Variants in BFSP1 observed in about 807,000 individuals in gnomAD.
The protein encoded by BFSP1 is beaded filament structural protein 1, also known as filensin.
BFSP1 carries 38 observed loss-of-function variants against 43.9 expected under a neutral mutation model. That is an observed-to-expected ratio of 0.87 (90% CI 0.67 to 1.14). The LOEUF is 1.14. Ranked by LOEUF, BFSP1 falls within the 50% of genes most tolerant of loss-of-function variation. BFSP1 has a pLI of 0.00. For synonymous variants in BFSP1, 352 were observed against 354.8 expected, an observed-to-expected ratio of 0.99 and a Z score of 0.09; for missense variants, 850 against 875.1, an observed-to-expected ratio of 0.97 and a Z score of 0.36.
At chr20:17,561,414 G>A (rs994010487), upstream of BFSP1, among the ~76,000 whole-genome samples, 4 of 151,948 alleles carry the variant, frequency 2.6e-5, no homozygotes, top group South Asian at 2.1e-4. Flanking sequence ...CAGGAGAATC[G>A]CTTGGACCCG....
chr20:17,532,863 A>T (rs2123542799), upstream of BFSP1, among the ~76,000 whole-genome samples: 1 of 152,286 alleles, frequency 6.6e-6, no homozygotes, highest in East Asian at 1.9e-4. Flanking sequence ...AACTATATGG[A>T]TTGTGTGTGA....
intron 2 of BFSP1, among the ~76,000 whole-genome samples, chr20:17,524,183 T>C (rs2034373153): frequency 6.6e-6 from 1 of 152,170 alleles, no homozygotes; most frequent in South Asian, 2.1e-4. Flanking sequence ...TGTACAACCC[T>C]GGTGGTCCAG....
chr20:17,516,126 C>G (rs1279336731), intron 2 of BFSP1, among the ~76,000 whole-genome samples: 2 of 152,008 alleles, frequency 1.3e-5, no homozygotes, highest in Non-Finnish European at 2.9e-5. Context: ...GTCAGGAGTT[C>G]GAGACCAGCC....
chr20:17,558,593 C>G, intron 1 of BFSP1: 1 of 1,355,662 alleles, frequency 7.4e-7, no homozygotes. Flanking sequence ...GCTTGCTGTA[C>G]CTTCTACGGG....
chr20:17,494,917 A>G lies in BFSP1; in HGVS notation c.1155T>C (p.Ala385=). Residue 385 remains alanine, a synonymous_variant, in exon 8 of 8, where the codon GCT becomes GCC. Coordinates refer to ENST00000377873, the MANE Select transcript of BFSP1 (RefSeq NM_001195.5). ...AACCTTTTAATGGTGCATCTTCCAGAGCTCCGTTGGTTTTGTCTTTTGTTA... is the reference window on the plus strand; with the variant it reads ...AACCTTTTAATGGTGCATCTTCCAGGGCTCCGTTGGTTTTGTCTTTTGTTA... ...EIITKDKTNG[A]LEDAPLKGLE... is the part of the protein sequence containing the mutation. The G allele has an allele frequency of 6.2e-7, 1 of 1,613,996 alleles. No individual in the cohort carries two copies. The highest frequency in any genetic ancestry group is 8.5e-7 in the Non-Finnish European group (1 of 1,179,992).
At chr20:17,524,625 T>G (rs1282026401) in intron 2 of BFSP1, among the ~76,000 whole-genome samples, 1 of 152,208 alleles carries the variant, frequency 6.6e-6, no homozygotes, top group African/African-American at 2.4e-5. Flanking sequence ...ACCAACAAGC[T>G]TCATAGTCTG....
At chr20:17,532,265 C>T (rs1308219426), upstream of BFSP1, among the ~76,000 whole-genome samples, 1 of 152,018 alleles carries the variant, frequency 6.6e-6, no homozygotes, top group Admixed American at 6.6e-5. Flanking sequence ...ATTAGCCAGG[C>T]GTGGTGGCGT....
intron 5 of BFSP1, among the ~76,000 whole-genome samples, chr20:17,506,272 G>A (rs1181753496): frequency 1.3e-5 from 2 of 152,068 alleles, no homozygotes; most frequent in African/African-American, 2.4e-5. Flanking sequence ...GCCCAGGCTG[G>A]CCAACATCTT....
chr20:17,566,945 C>G (rs1010820504), intron 1 of BFSP1, among the ~76,000 whole-genome samples: 8 of 152,128 alleles, frequency 5.3e-5, no homozygotes, highest in African/African-American at 1.9e-4. Flanking sequence ...AGCCACGGTG[C>G]CCGGCCTAGG....
chr20:17,529,493 C>A, intron 1 of BFSP1, among the ~76,000 whole-genome samples: 1 of 151,606 alleles, frequency 6.6e-6, no homozygotes, highest in East Asian at 2.0e-4. Context: ...TAGCCAGTGT[C>A]ATTGGGGCAT....
rs573165750 is a variant in BFSP1, at chr20:17,530,434, A to T, written c.377+519T>A. ...ATAACATCGGTACATCTCAAAACCA[A>T]TGTGCTGAGCAAAAGAAGCCAGACA... On this transcript the variant is annotated intron_variant, in intron 1 of 7. Transcript: ENST00000377873. 9.9e-4 allele frequency among the ~76,000 whole-genome samples: 151 copies of T among 152,360 alleles called. 3 individuals carry two copies. The Middle Eastern group carries it at 0.01, about 10-fold the overall frequency.
chr20:17,517,769 G>A (rs557057014), intron 2 of BFSP1, among the ~76,000 whole-genome samples: 2 of 152,298 alleles, frequency 1.3e-5, no homozygotes, highest in African/African-American at 2.4e-5. Context: ...AAACTGCTGT[G>A]TATTTTACAC....
chr20:17,553,297 G>C (rs1361258096), intron 1 of BFSP1, among the ~76,000 whole-genome samples: 1 of 152,142 alleles, frequency 6.6e-6, no homozygotes, highest in Non-Finnish European at 1.5e-5. Context: ...TCAGGAAAGT[G>C]GTGGGGAAGA....
At chr20:17,532,337 G>A (rs1305842731), upstream of BFSP1, among the ~76,000 whole-genome samples, 32 of 151,400 alleles carry the variant, frequency 2.1e-4, no homozygotes, top group African/African-American at 6.8e-4. Flanking sequence ...CCTGGGAGGC[G>A]GAGGCTGCAG....
chr20:17,538,563 T>C (rs945339813), intron 1 of BFSP1, among the ~76,000 whole-genome samples: 5 of 152,198 alleles, frequency 3.3e-5, no homozygotes, highest in African/African-American at 7.2e-5. Flanking sequence ...CAGGATTTCA[T>C]TGACAACCAC....
chr20:17,558,710 T>G (rs1168232852), exon 1 of BFSP1: 1 of 1,551,834 alleles, frequency 6.4e-7, no homozygotes, highest in African/African-American at 1.4e-5. Flanking sequence ...GCATGGAGGC[T>G]CCTTCTGTGA....
At chr20:17,498,748 G>A (rs766214345) in intron 6 of BFSP1, 72 bp downstream of exon 6, 4 of 1,511,898 alleles carry the variant, frequency 2.6e-6, no homozygotes, top group Non-Finnish European at 3.6e-6. Flanking sequence ...AACTGTGCCT[G>A]GCACACAATA....
At chr20:17,535,492 A>G (rs2034612265), upstream of BFSP1, among the ~76,000 whole-genome samples, 3 of 152,152 alleles carry the variant, frequency 2.0e-5, no homozygotes, top group Admixed American at 6.6e-5. Context: ...GATAATGCCA[A>G]TGCACTCCAG....
upstream of BFSP1, among the ~76,000 whole-genome samples, chr20:17,534,674 G>A (rs1361939080): frequency 4.6e-5 from 7 of 152,198 alleles, no homozygotes; most frequent in Non-Finnish European, 1.0e-4. Context: ...AAGACAAAGA[G>A]AAGCTATGAA....
Sources: allele counts gnomAD v4.1 joint callset (sites outside exome capture counted in the v4.1 genomes callset), GRCh38; gene constraint gnomAD v4.1.1; transcripts MANE v1.5; gene names NCBI Gene and HGNC (gene_info 2026-07-23, HGNC 2026-07-21).